MTBP: variants seen among roughly 807,000 people sequenced by gnomAD.
The protein encoded by MTBP is MDM2 binding protein.
MTBP carries 101 observed loss-of-function variants against 117.0 expected under a neutral mutation model. The observed-to-expected ratio is 0.86, with a 90% confidence interval of 0.73 to 1.02. The LOEUF (loss-of-function observed/expected upper bound fraction) is 1.02. Among genes scored for constraint, MTBP ranks in the 50% least tolerant of loss-of-function variants. The pLI, the probability that MTBP is intolerant of heterozygous loss-of-function variation, is 0.00. For missense variants in MTBP, 970 were observed against 1,030.9 expected, an observed-to-expected ratio of 0.94 and a Z score of 0.81; for synonymous variants, 350 against 351.5, an observed-to-expected ratio of 1.00 and a Z score of 0.05.
intron 5 of MTBP, among the ~76,000 whole-genome samples, chr8:120,454,776 A>C (rs1220753041): frequency 6.6e-6 from 1 of 152,226 alleles, no homozygotes; most frequent in African/African-American, 2.4e-5. Flanking sequence ...ATGCACTGAA[A>C]TATTACATAG....
intron 11 of MTBP, among the ~76,000 whole-genome samples, chr8:120,477,288 C>A (rs891430288): frequency 6.6e-6 from 1 of 152,128 alleles, no homozygotes; most frequent in African/African-American, 2.4e-5. Flanking sequence ...AGACCTAAAA[C>A]CATAAAAACC....
chr8:120,511,155 T>G (rs1370375365), intron 17 of MTBP, among the ~76,000 whole-genome samples: 2 of 152,188 alleles, frequency 1.3e-5, no homozygotes, highest in Non-Finnish European at 2.9e-5. Context: ...GACTAAAGGA[T>G]TCCTTGTTTG....
In MTBP at chr8:120,505,514, G is replaced by A. The variant is rs149829111; in HGVS notation, c.1728-1192G>A. ...TTTTCAGTTTAAAAACAAAGGAATA[G>A]GAAGAGGAAAGAGGCACTGTCAGTA... On this transcript the variant is annotated intron_variant, in intron 15 of 21. Coordinates refer to ENST00000305949, the MANE Select transcript of MTBP (RefSeq NM_022045.5). Among the ~76,000 whole-genome samples, 22 of 152,212 alleles carry A rather than the reference G, an allele frequency of 1.4e-4. No homozygotes were observed. The East Asian group carries it at 3.3e-3, about 23-fold the overall frequency.
intron 11 of MTBP, among the ~76,000 whole-genome samples, chr8:120,480,520 A>G (rs980563106): frequency 1.3e-5 from 2 of 152,220 alleles, no homozygotes; most frequent in African/African-American, 4.8e-5. Flanking sequence ...TTGAGAACTT[A>G]TGCTACCTGA....
chr8:120,456,684 TCA>T lies in MTBP; in HGVS notation c.747+17_747+18del, dbSNP rs1813476960. 3 of 1,415,334 alleles carry T rather than the reference TCA, an allele frequency of 2.1e-6. No homozygotes were observed. Among genetic ancestry groups the T allele is most frequent in the East Asian group, 2.3e-5 (1 of 43,462 alleles). The allele number at this position is 1,415,334 out of a possible 1,614,324, so 87.7% of individuals were successfully genotyped here. A position where few individuals can be genotyped will look rare whatever the true frequency, so the allele number is the denominator to read the frequency against. ...TGGGAAAGAAAGGTAAATGGATTATTCACAGTTTGCCAAGTAGGCCTTTCAAT... is the reference window on the plus strand; with the variant it reads ...TGGGAAAGAAAGGTAAATGGATTATTCAGTTTGCCAAGTAGGCCTTTCAAT... On this transcript the variant is annotated intron_variant, in intron 7 of 21. Transcript: ENST00000305949.
intron 11 of MTBP, among the ~76,000 whole-genome samples, chr8:120,487,634 T>C (rs1814246976): frequency 6.6e-6 from 1 of 152,358 alleles, no homozygotes; most frequent in Middle Eastern, 3.4e-3. Flanking sequence ...TTTTAAAATA[T>C]ACTAGACGCT....
chr8:120,463,552 G>T (rs139019285), intron 9 of MTBP, 140 bp from the exon 10 acceptor site: 1 of 597,082 alleles, frequency 1.7e-6, no homozygotes, highest in Non-Finnish European at 2.9e-6. Flanking sequence ...AGGGAAAGGC[G>T]TAATTGTTAA....
chr8:120,448,173 C>T (rs996575427), intron 2 of MTBP, among the ~76,000 whole-genome samples: 1 of 152,100 alleles, frequency 6.6e-6, no homozygotes, highest in Non-Finnish European at 1.5e-5. Context: ...CTCAAGTAAT[C>T]CACCTGTTTT....
intron 14 of MTBP, among the ~76,000 whole-genome samples, chr8:120,501,659 T>C (rs1182837292): frequency 6.6e-6 from 1 of 152,156 alleles, no homozygotes; most frequent in Non-Finnish European, 1.5e-5. Context: ...ATCAAATAGC[T>C]AATGTTAATA....
intron 17 of MTBP, among the ~76,000 whole-genome samples, chr8:120,514,599 G>A (rs79459033): frequency 6.6e-6 from 1 of 151,990 alleles, no homozygotes; most frequent in Admixed American, 6.6e-5. Flanking sequence ...CATAGAGATA[G>A]TATACCAAAA....
intron 10 of MTBP, among the ~76,000 whole-genome samples, chr8:120,466,412 C>T (rs1253630381): frequency 2.0e-5 from 3 of 151,100 alleles, no homozygotes; most frequent in Non-Finnish European, 3.0e-5. Context: ...GACAGGGTTT[C>T]GTCATGTTGG....
intron 13 of MTBP, among the ~76,000 whole-genome samples, chr8:120,491,295 C>A (rs1814341159): frequency 6.6e-6 from 1 of 152,112 alleles, no homozygotes; most frequent in East Asian, 1.9e-4. Flanking sequence ...AACTATCATT[C>A]TTTTCTTTAA....
intron 14 of MTBP, among the ~76,000 whole-genome samples, chr8:120,497,855 T>A (rs903121749): frequency 2.6e-5 from 4 of 152,184 alleles, no homozygotes; most frequent in Admixed American, 6.5e-5. Context: ...GCTGCTGAAA[T>A]GTGTGAATTT....
Position 120,516,076 on chromosome 8 carries a change from T to G in MTBP, c.2131T>G (p.Ser711Ala). ...GAGCCCTCTTCCATCTCCTGTAGTT[T>G]CGTCAGATCCTGGAAGTGTCCCTGA... ...VLSPLPSPVV[S>A]SDPGSVPDGE... Residue 711 changes from serine to alanine, a missense_variant, in exon 18 of 22, where the codon TCG becomes GCG. Coordinates refer to ENST00000305949, the MANE Select transcript of MTBP (RefSeq NM_022045.5). The G allele has an allele frequency of 6.2e-7, 1 of 1,613,140 alleles. No individual in the cohort carries two copies. Among genetic ancestry groups the G allele is most frequent in the Admixed American group, 1.7e-5 (1 of 59,942 alleles).
In MTBP at chr8:120,523,304, G is replaced by T; in HGVS notation, c.2683G>T (p.Asp895Tyr). 6.4e-7 allele frequency: 1 copy of T among 1,554,584 alleles called. No homozygotes were observed. The highest frequency in any genetic ancestry group is 1.2e-5 in the South Asian group (1 of 82,200). Residue 895 changes from aspartate to tyrosine, a missense_variant, in exon 22 of 22, where the codon GAC (aspartate) becomes TAC (tyrosine). Asp to Tyr is a radical substitution (Grantham distance 160). Coordinates refer to ENST00000305949, the MANE Select transcript of MTBP (RefSeq NM_022045.5). ...ATATTTTTTCTCCCCCTAGGTGATT[G>T]ACTGGGTATTAGAAAAGACAAGCAA... The part of the protein sequence containing the change: ...TANNNAVQVI[D>Y]WVLEKTSKK
intron 7 of MTBP, among the ~76,000 whole-genome samples, chr8:120,458,447 A>G (rs1252791767): frequency 6.6e-6 from 1 of 152,182 alleles, no homozygotes; most frequent in Non-Finnish European, 1.5e-5. Context: ...CATTACTATT[A>G]TTAGCATCCT....
At chr8:120,456,981 T>G (rs1813483087) in intron 7 of MTBP, among the ~76,000 whole-genome samples, 1 of 152,194 alleles carries the variant, frequency 6.6e-6, no homozygotes, top group South Asian at 2.1e-4. Flanking sequence ...AATGTAATGT[T>G]CTTTTAAAAT....
chr8:120,466,648 G>T (rs886825483), intron 10 of MTBP, among the ~76,000 whole-genome samples: 7 of 151,914 alleles, frequency 4.6e-5, no homozygotes, highest in African/African-American at 1.4e-4. Flanking sequence ...CGAGGCAGGT[G>T]GATCACCTGA....
intron 13 of MTBP, among the ~76,000 whole-genome samples, chr8:120,493,481 G>A (rs368639836): frequency 1.4e-5 from 2 of 147,046 alleles, no homozygotes; most frequent in South Asian, 4.3e-4. Context: ...TGTGTGTGGG[G>A]GTGTATATAT....
Sources: allele counts gnomAD v4.1 joint callset (sites outside exome capture counted in the v4.1 genomes callset), GRCh38; gene constraint gnomAD v4.1.1; transcripts MANE v1.5; gene names NCBI Gene and HGNC (gene_info 2026-07-23, HGNC 2026-07-21).